Variants in MICU3 observed in about 807,000 individuals in gnomAD.
MICU3 encodes the protein calcium uptake protein 3, mitochondrial.
A neutral mutation model predicts 66.5 loss-of-function variants in MICU3; 62 were observed. The observed-to-expected ratio is 0.93, with a 90% CI of 0.76 to 1.15. The LOEUF (loss-of-function observed/expected upper bound fraction) is 1.15, where lower values mean the gene tolerates loss of function less well. Among genes scored for constraint, MICU3 ranks in the 50% most tolerant of loss-of-function variants. MICU3 has a pLI of 0.00. For synonymous variants in MICU3, 308 were observed against 240.7 expected (o/e 1.28, Z -2.59); for missense variants, 779 against 664.4 (o/e 1.17, Z -1.90).
chr8:17,042,440 A>G (rs934114497), intron 1 of MICU3, among the ~76,000 whole-genome samples: 6 of 152,258 alleles, frequency 3.9e-5, no homozygotes, highest in African/African-American at 1.4e-4. Flanking sequence ...CTAGCATTAA[A>G]GAAAATGCCT....
chr8:17,111,603 A>T (rs1176353068), intron 11 of MICU3, among the ~76,000 whole-genome samples: 4 of 152,186 alleles, frequency 2.6e-5, no homozygotes, highest in Admixed American at 2.6e-4. Context: ...TGGCAATTCA[A>T]GGTCATGAAG....
chr8:17,136,561 T>C, the MICU3 span, among the ~76,000 whole-genome samples: 1 of 152,124 alleles, frequency 6.6e-6, no homozygotes, highest in African/African-American at 2.4e-5. Flanking sequence ...TGCTCACTCA[T>C]GGCTCTGCTT....
intron 2 of MICU3, among the ~76,000 whole-genome samples, chr8:17,065,807 G>A (rs1377272598): frequency 6.6e-6 from 1 of 152,060 alleles, no homozygotes; most frequent in African/African-American, 2.4e-5. Context: ...TGAGTGTAAA[G>A]GACTCTCTTA....
chr8:17,124,082 G>C (rs983169024), downstream of MICU3, among the ~76,000 whole-genome samples: 12 of 151,408 alleles, frequency 7.9e-5, no homozygotes, highest in African/African-American at 2.9e-4. Flanking sequence ...TTTTTGATTG[G>C]TCTTATTTTT....
intron 7 of MICU3, 21 bp downstream of exon 7, chr8:17,087,056 CT>C: frequency 6.7e-7 from 1 of 1,487,204 alleles, no homozygotes; most frequent in Non-Finnish European, 9.3e-7. Flanking sequence ...TTTATAGTAG[CT>C]TTAGGTGGCT....
At chr8:17,089,189 A>G (rs1265101544) in intron 7 of MICU3, among the ~76,000 whole-genome samples, 1 of 152,016 alleles carries the variant, frequency 6.6e-6, no homozygotes, top group East Asian at 1.9e-4. Flanking sequence ...TCTTACTTTT[A>G]TAATGTAGCT....
intron 1 of MICU3, among the ~76,000 whole-genome samples, chr8:17,042,979 G>A (rs1207148769): frequency 4.4e-5 from 5 of 112,690 alleles, no homozygotes; most frequent in Non-Finnish European, 8.1e-5. Context: ...TCACTCTTTC[G>A]CCCAAGCTGG....
rs144959956 is a variant in MICU3, at chr8:17,087,030, A to G, written c.844A>G (p.Met282Val). 70 of 1,601,530 alleles carry G rather than the reference A, an allele frequency of 4.4e-5. No individual in the cohort carries two copies. The East Asian group carries it at 5.4e-4, about 12-fold the overall frequency. The part of the protein sequence containing the change: ...EIKGDEEKRA[M>V]LRLQLYGYHS... ...TAAAGGAGATGAAGAAAAGCGTGCAATGCTGGTAAGAATACTTTATAGTAG... is the reference window on the plus strand; with the variant it reads ...TAAAGGAGATGAAGAAAAGCGTGCAGTGCTGGTAAGAATACTTTATAGTAG... The change falls in exon 7 of 15, where the codon ATG (methionine) becomes GTG (valine). Residue 282 changes from methionine (M) to valine (V), a missense_variant. Physicochemically the swap from Met to Val is conservative, Grantham distance 21. Coordinates refer to ENST00000318063, the MANE Select transcript of MICU3 (RefSeq NM_181723.3).
chr8:17,100,983 A>G (rs1801207154), intron 9 of MICU3, among the ~76,000 whole-genome samples: 1 of 151,840 alleles, frequency 6.6e-6, no homozygotes, highest in Admixed American at 6.6e-5. Flanking sequence ...GGATTATTCA[A>G]AAACTTCATT....
At chr8:17,042,335 G>C (rs1198617915) in intron 1 of MICU3, among the ~76,000 whole-genome samples, 1 of 152,148 alleles carries the variant, frequency 6.6e-6, no homozygotes, top group African/African-American at 2.4e-5. Flanking sequence ...TGTGCCAAAC[G>C]CTGAGAATGT....
At chr8:17,106,201 G>A (rs903082219) in intron 11 of MICU3, among the ~76,000 whole-genome samples, 9 of 152,024 alleles carry the variant, frequency 5.9e-5, no homozygotes, top group African/African-American at 1.2e-4. Context: ...CTCTTCAAGA[G>A]TGGGATGTTT....
chr8:17,137,991 A>C, the MICU3 span, among the ~76,000 whole-genome samples: 1 of 152,156 alleles, frequency 6.6e-6, no homozygotes, highest in Non-Finnish European at 1.5e-5. Context: ...CTGGGATTAC[A>C]GGCATGAACC....
downstream of MICU3, among the ~76,000 whole-genome samples, chr8:17,126,239 T>C (rs370154265): frequency 5.3e-5 from 8 of 152,196 alleles, no homozygotes; most frequent in African/African-American, 1.9e-4. Context: ...TGAGGAACTC[T>C]GTGGGGTGAG....
chr8:17,027,601 G>A lies in MICU3; in HGVS notation c.322G>A (p.Glu108Lys), dbSNP rs557690233. The A allele has an allele frequency of 1.1e-3, 1,411 of 1,303,146 alleles. 18 individuals are homozygous for A. In the African/African-American group the frequency reaches 0.02, roughly 18 times the overall value. 80.7% of individuals were successfully genotyped at this position (1,303,146 alleles called of 1,614,324 possible). The change falls in exon 1 of 15, where the codon GAG (glutamate) becomes AAG (lysine). Residue 108 changes from glutamate (E) to lysine (K), a missense_variant. Glu to Lys is a moderately conservative substitution (Grantham distance 56). Coordinates refer to ENST00000318063, the MANE Select transcript of MICU3 (RefSeq NM_181723.3). ...RPSKSAATEP[E>K]DPPRGRGMLP... Reference sequence around the variant, plus strand: ...CTCAAAGAGCGCGGCCACGGAGCCCGAGGACCCGCCCCGCGGCCGGGGGAT... The same window carrying A: ...CTCAAAGAGCGCGGCCACGGAGCCCAAGGACCCGCCCCGCGGCCGGGGGAT...
At chr8:17,096,550 G>C (rs2150784788) in intron 8 of MICU3, among the ~76,000 whole-genome samples, 1 of 151,918 alleles carries the variant, frequency 6.6e-6, no homozygotes, top group African/African-American at 2.4e-5. Flanking sequence ...TGCAGCAGTA[G>C]TTGCTGTAAG....
At chr8:17,038,092 G>A (rs1420958080) in intron 1 of MICU3, among the ~76,000 whole-genome samples, 1 of 152,108 alleles carries the variant, frequency 6.6e-6, no homozygotes, top group Non-Finnish European at 1.5e-5. Context: ...TTTGGACTGT[G>A]GACTTTTGAC....
At position 17,028,794 on chromosome 8, in the gene MICU3, C is replaced by A. The variant is rs562829188; in HGVS notation, c.381+1134C>A. Among the ~76,000 whole-genome samples, 4 of 152,282 alleles carry A rather than the reference C, an allele frequency of 2.6e-5. No individual in the cohort carries two copies. The South Asian group carries it at 8.3e-4, about 32-fold the overall frequency. ...ATACCCTCAAATCTCCACCCCCTCC[C>A]CCTTCACAAATACACATCCACTTTT... On this transcript the variant is annotated intron_variant, in intron 1 of 14. Transcript: ENST00000318063.
At chr8:17,094,204 GT>G (rs1800416895) in intron 8 of MICU3, among the ~76,000 whole-genome samples, 1 of 151,978 alleles carries the variant, frequency 6.6e-6, no homozygotes, top group South Asian at 2.1e-4. Context: ...ATGATTGCCA[GT>G]TTCATCTATG....
chr8:17,094,707 C>T (rs983676876), intron 8 of MICU3, among the ~76,000 whole-genome samples: 4 of 151,918 alleles, frequency 2.6e-5, no homozygotes, highest in Non-Finnish European at 5.9e-5. Flanking sequence ...ATTAGTTGTT[C>T]TTTCAAGTAA....
Sources: allele counts gnomAD v4.1 joint callset (sites outside exome capture counted in the v4.1 genomes callset), GRCh38; gene constraint gnomAD v4.1.1; transcripts MANE v1.5; gene names NCBI Gene and HGNC (gene_info 2026-07-23, HGNC 2026-07-21).